SLC43A2: variants seen among roughly 807,000 people sequenced by gnomAD.
The protein encoded by SLC43A2 is solute carrier family 43 member 2.
In SLC43A2, 38 loss-of-function variants were observed where a neutral mutation model predicts 63.2. That is an observed-to-expected ratio of 0.60 (90% confidence interval 0.46 to 0.79). The LOEUF (loss-of-function observed/expected upper bound fraction) is 0.79, where lower values mean the gene tolerates loss of function less well. Among genes scored for constraint, SLC43A2 ranks in the 30% least tolerant of loss-of-function variants. The pLI, the probability that SLC43A2 is intolerant of heterozygous loss-of-function variation, is 0.00. For missense variants in SLC43A2, 644 were observed against 756.2 expected, an observed-to-expected ratio of 0.85 and a Z score of 1.74; for synonymous variants, 322 against 331.0, an observed-to-expected ratio of 0.97 and a Z score of 0.30.
At position 1,577,495 on chromosome 17, in the gene SLC43A2, G is replaced by A. The variant is rs1222585641; in HGVS notation, c.1424+755C>T. Among the ~76,000 whole-genome samples the A allele has an allele frequency of 6.6e-6, 1 of 152,226 alleles. No individual in the cohort carries two copies. The highest frequency in any genetic ancestry group is 2.4e-5 in the African/African-American group (1 of 41,460). On this transcript the variant is annotated intron_variant, in intron 12 of 13. Coordinates refer to ENST00000301335, the MANE Select transcript of SLC43A2 (RefSeq NM_152346.3). The surrounding 1 kb of genome is among the most constrained non-coding windows in gnomAD (Gnocchi z 4.9). The stretch of plus-strand genomic sequence containing the variant: ...GAGGGGCAGGCGGAGGGCAAGCGGA[G>A]CTGGGATTACCCCAGGGGCTGTTGC...
At chr17:1,611,137 C>A (rs1907062656) in intron 5 of SLC43A2, among the ~76,000 whole-genome samples, 1 of 152,162 alleles carries the variant, frequency 6.6e-6, no homozygotes, top group Non-Finnish European at 1.5e-5. Flanking sequence ...AGCCACCGCA[C>A]CCGGCCTAAA....
At chr17:1,591,208 G>A (rs1019763666) in intron 8 of SLC43A2, 61 bp downstream of exon 8, 1 of 1,571,472 alleles carries the variant, frequency 6.4e-7, no homozygotes, top group Non-Finnish European at 8.6e-7. Flanking sequence ...TGGGAATGGG[G>A]TGAGCCGATA....
intron 2 of SLC43A2, among the ~76,000 whole-genome samples, chr17:1,623,772 C>G (rs953734996): frequency 2.8e-5 from 4 of 141,100 alleles, no homozygotes; most frequent in East Asian, 2.1e-4. Context: ...CTCCTCCAGG[C>G]TGTACCCTCC....
At chr17:1,614,773 C>T (rs1907439128) in intron 4 of SLC43A2, among the ~76,000 whole-genome samples, 1 of 152,152 alleles carries the variant, frequency 6.6e-6, no homozygotes, top group Non-Finnish European at 1.5e-5. Context: ...TGCTCATACC[C>T]TGGAAGCTCC....
At position 1,593,425 on chromosome 17, in the gene SLC43A2, A is replaced by G. The variant is rs1166117197; in HGVS notation, c.502-146T>C. On this transcript the variant is annotated intron_variant, in intron 5 of 13. Transcript: ENST00000301335. The surrounding 1 kb of genome is among the most constrained non-coding windows in gnomAD (Gnocchi z 5.3). ...CTCACAGGGGCATTAGTTCAGGGGC[A>G]ATGACCGCTCACTGAAGGTTTCTCC... is the stretch of plus-strand genomic sequence containing the variant. 2 of 716,836 alleles carry G rather than the reference A, an allele frequency of 2.8e-6. No homozygotes were observed. Among genetic ancestry groups the G allele is most frequent in the Non-Finnish European group, 4.8e-6 (2 of 415,320 alleles). 44.4% of individuals were successfully genotyped at this position (716,836 alleles called of 1,614,324 possible).
rs548900438 is a variant in SLC43A2, at chr17:1,577,010, G to A, written c.1425-290C>T. Among the ~76,000 whole-genome samples the A allele has an allele frequency of 2.0e-5, 3 of 152,082 alleles. No homozygotes were observed. Among genetic ancestry groups the A allele is most frequent in the South Asian group, 2.1e-4 (1 of 4,816 alleles). ...CTCCCTAGTAGCTGGGATTACAGGC[G>A]CCCGCCACCACATCTGGCTAATTTT... is the stretch of plus-strand genomic sequence containing the variant. On this transcript the variant is annotated intron_variant, in intron 12 of 13. Coordinates refer to ENST00000301335, the MANE Select transcript of SLC43A2 (RefSeq NM_152346.3). This position sits in a 1 kb window ranked among gnomAD's most constrained non-coding sequence, Gnocchi z 4.9.
At chr17:1,616,895 G>A in intron 2 of SLC43A2, 126 bp from the exon 3 acceptor site, 1 of 1,048,124 alleles carries the variant, frequency 9.5e-7, no homozygotes, top group South Asian at 1.5e-5. Context: ...GGCCTCTCGA[G>A]GGCTCAGGCT....
intron 9 of SLC43A2, among the ~76,000 whole-genome samples, chr17:1,586,524 G>T (rs1290021440): frequency 6.6e-6 from 1 of 151,902 alleles, no homozygotes; most frequent in Non-Finnish European, 1.5e-5. Context: ...GTGAAACCCC[G>T]TCTCTACTAA....
At chr17:1,613,970 G>A (rs12450380) in intron 4 of SLC43A2, among the ~76,000 whole-genome samples, 23,768 of 152,048 alleles carry the variant, frequency 0.16, 2,658 homozygotes, top group East Asian at 0.4. Flanking sequence ...GAAGCCAGGC[G>A]CGGTGGCTCA....
rs755455539 is a variant in SLC43A2 at position 1,583,280 on chromosome 17, A to G, written c.1274T>C (p.Met425Thr). 3 of 1,614,176 alleles carry G rather than the reference A, an allele frequency of 1.9e-6. No individual in the cohort carries two copies. Among genetic ancestry groups the G allele is most frequent in the Non-Finnish European group, 2.5e-6 (3 of 1,180,014 alleles). The change falls in exon 11 of 14, where the codon ATG becomes ACG. Residue 425 changes from methionine (M) to threonine (T), a missense_variant. Met to Thr is a moderately conservative substitution (Grantham distance 81, BLOSUM62 -1). This residue lies in a region of SLC43A2 where 528 missense variants were observed against 623.6 expected (regional missense o/e 0.85). Coordinates refer to ENST00000301335, the MANE Select transcript of SLC43A2 (RefSeq NM_152346.3). The surrounding 1 kb of genome is among the most constrained non-coding windows in gnomAD (Gnocchi z 5.5). Reference sequence around the variant, plus strand: ...CAGGTTGGTGAAGGCGAAGGCCCGCATGGCATTAGTGATCTTCTGGATCTG... The same window carrying G: ...CAGGTTGGTGAAGGCGAAGGCCCGCGTGGCATTAGTGATCTTCTGGATCTG... Reference protein sequence around the residue: ...DRQIQKITNAMRAFAFTNLLL... With the variant: ...DRQIQKITNATRAFAFTNLLL...
intron 5 of SLC43A2, among the ~76,000 whole-genome samples, chr17:1,595,105 AC>A (rs1488546211): frequency 2.6e-5 from 4 of 151,698 alleles, no homozygotes; most frequent in East Asian, 3.9e-4. Context: ...ACATGGCGAA[AC>A]CCTGTCTCTA....
intron 2 of SLC43A2, among the ~76,000 whole-genome samples, chr17:1,619,028 G>A (rs112686790): frequency 1.3e-5 from 2 of 149,938 alleles, no homozygotes; most frequent in African/African-American, 4.9e-5. Flanking sequence ...GAATCAGGCC[G>A]GGTACAGTGG....
chr17:1,611,214 G>A (rs1456410648), intron 5 of SLC43A2, among the ~76,000 whole-genome samples: 1 of 152,154 alleles, frequency 6.6e-6, no homozygotes, highest in Non-Finnish European at 1.5e-5. Flanking sequence ...CGGGGTGTGA[G>A]GTCCTCAAGC....
intron 2 of SLC43A2, 80 bp from the exon 3 acceptor site, chr17:1,616,849 A>T: frequency 6.7e-7 from 1 of 1,502,966 alleles, no homozygotes; most frequent in Middle Eastern, 2.0e-4. Context: ...GTGCCCATTC[A>T]GAGTCCCCCC....
In SLC43A2 at chr17:1,593,343, G is replaced by T; in HGVS notation, c.502-64C>A. 1 of 1,481,310 alleles carries T rather than the reference G, an allele frequency of 6.8e-7. No individual in the cohort carries two copies. Among genetic ancestry groups the T allele is most frequent in the Non-Finnish European group, 9.3e-7 (1 of 1,070,834 alleles). The allele number at this position is 1,481,310 out of a possible 1,614,324, so 91.8% of individuals were successfully genotyped here. On this transcript the variant is annotated intron_variant, in intron 5 of 13. Transcript: ENST00000301335. The surrounding 1 kb of genome is among the most constrained non-coding windows in gnomAD (Gnocchi z 5.3). The stretch of plus-strand genomic sequence containing the variant: ...TGCACCAGGGAAGGGGAGGAGGAGG[G>T]GACAGAGAACTAGGCCCCATGAGGC...
intron 12 of SLC43A2, 131 bp from the exon 13 acceptor site, chr17:1,576,851 C>T: frequency 1.0e-6 from 1 of 995,534 alleles, no homozygotes; most frequent in Non-Finnish European, 1.4e-6. Context: ...TTCCTTCCTG[C>T]TGGGCAGTTC....
intron 2 of SLC43A2, among the ~76,000 whole-genome samples, chr17:1,620,811 T>C (rs1908087361): frequency 6.6e-6 from 1 of 151,934 alleles, no homozygotes; most frequent in Non-Finnish European, 1.5e-5. Flanking sequence ...CTCCCTCTGG[T>C]CCCACCTGGG....
intron 5 of SLC43A2, chr17:1,604,945 G>T: frequency 6.6e-7 from 1 of 1,513,034 alleles, no homozygotes; most frequent in Non-Finnish European, 8.8e-7. Flanking sequence ...GTGCCGGAGT[G>T]AGGGCTGAGC....
chr17:1,576,824 G>C (rs1228950861), intron 12 of SLC43A2, 104 bp from the exon 13 acceptor site: 2 of 1,435,346 alleles, frequency 1.4e-6, no homozygotes, highest in African/African-American at 1.4e-5. Flanking sequence ...GAGAAGGGTG[G>C]GGTGCCAGCC....
Sources: gnomAD v4.1 joint callset for allele counts (sites outside exome capture counted in the v4.1 genomes callset) on GRCh38, gnomAD v4.1.1 for gene constraint, gnomAD v4.1.1 regional missense constraint, Gnocchi (gnomAD v3.1) non-coding constraint, MANE v1.5 for transcripts, NCBI Gene and HGNC (gene_info 2026-07-23, HGNC 2026-07-21) for gene names.